Variants in STX6 observed in about 807,000 individuals in gnomAD.
STX6 encodes syntaxin 6, also known as syntaxin-6.
A neutral mutation model predicts 38.0 loss-of-function variants in STX6; 23 were observed. The observed-to-expected ratio is 0.60, with a 90% CI of 0.43 to 0.86. The LOEUF (loss-of-function observed/expected upper bound fraction) is 0.86, where lower values mean the gene tolerates loss of function less well. Among genes scored for constraint, STX6 ranks in the 40% least tolerant of loss-of-function variants. The pLI is 0.00. For synonymous variants in STX6, 123 were observed against 107.5 expected (o/e 1.14, Z -0.89); for missense variants, 274 against 312.9 (o/e 0.88, Z 0.94).
Position 181,004,966 on chromosome 1 carries a change from G to GT in STX6, c.205+327dup, listed in dbSNP as rs1344719680. Among the ~76,000 whole-genome samples, 1,335 of 142,706 alleles carry GT rather than the reference G, an allele frequency of 9.4e-3. 13 individuals carry two copies. Among genetic ancestry groups the GT allele is most frequent in the African/African-American group, 0.027 (1,068 of 39,144 alleles). The allele number at this position is 142,706 out of a possible 152,430, so 93.6% of individuals were successfully genotyped here. On this transcript the variant is annotated intron_variant, in intron 2 of 7. Transcript: ENST00000258301. The stretch of plus-strand genomic sequence containing the variant: ...GACTTAAAAAAAAAAGAAAAAAAGG[G>GT]TTTTTTTTTTTTCCCTTTACATTGG...
rs1655248819 is a variant in STX6 at position 180,976,381 on chromosome 1, C to G, written c.*189G>C. On this transcript the variant is annotated 3_prime_UTR_variant, in exon 8 of 8. Coordinates refer to ENST00000258301, the MANE Select transcript of STX6 (RefSeq NM_005819.6). ...CCAGGAGTGCAGACATCTATTTCCTCTTCCCACTGGCCCTTCCAGCGCTGG... is the reference window on the plus strand; with the variant it reads ...CCAGGAGTGCAGACATCTATTTCCTGTTCCCACTGGCCCTTCCAGCGCTGG... 1 of 587,768 alleles carries G rather than the reference C, an allele frequency of 1.7e-6. No homozygotes were observed. The highest frequency in any genetic ancestry group is 1.9e-5 in the South Asian group (1 of 52,512). The allele number at this position is 587,768 out of a possible 1,614,324, so 36.4% of individuals were successfully genotyped here.
chr1:180,983,929 T>C (rs1655485103), intron 7 of STX6, among the ~76,000 whole-genome samples: 1 of 151,562 alleles, frequency 6.6e-6, no homozygotes, highest in Admixed American at 6.6e-5. Flanking sequence ...CTGGGCATGG[T>C]GGCGGGCGCC....
At chr1:181,009,013 T>C (rs1021855381) in intron 1 of STX6, among the ~76,000 whole-genome samples, 4 of 152,142 alleles carry the variant, frequency 2.6e-5, no homozygotes, top group Non-Finnish European at 5.9e-5. Flanking sequence ...ACCATTTTAT[T>C]TAACAATACA....
At position 180,984,063 on chromosome 1, in the gene STX6, C is replaced by CAAAAAAA. The variant is rs10625558; in HGVS notation, c.691+607_691+613dup. ...TGGGCAACAGAGTGAGGCTCCATCT[C>CAAAAAAA]AAAAAAAAAAAAAAAAAAAAAAAAA... On this transcript the variant is annotated intron_variant, in intron 7 of 7. Coordinates refer to ENST00000258301, the MANE Select transcript of STX6 (RefSeq NM_005819.6). 9.2e-3 allele frequency among the ~76,000 whole-genome samples: 66 copies of CAAAAAAA among 7,154 alleles called. 10 individuals carry two copies. The highest frequency in any genetic ancestry group is 0.018 in the East Asian group (5 of 280). 4.7% of individuals were successfully genotyped at this position (7,154 alleles called of 152,430 possible).
intron 4 of STX6, 125 bp downstream of exon 4, chr1:180,993,238 C>A: frequency 1.6e-6 from 1 of 643,672 alleles, no homozygotes; most frequent in South Asian, 1.9e-5. Context: ...CATGGTCACA[C>A]CAGGGCCTGC....
chr1:181,021,308 A>G (rs1656718975), intron 1 of STX6, among the ~76,000 whole-genome samples: 1 of 152,202 alleles, frequency 6.6e-6, no homozygotes, highest in African/African-American at 2.4e-5. Flanking sequence ...TCTAATAAAT[A>G]TCACATTTTC....
At chr1:181,022,230 C>A (rs1322469637) in intron 1 of STX6, among the ~76,000 whole-genome samples, 1 of 152,150 alleles carries the variant, frequency 6.6e-6, no homozygotes, top group Non-Finnish European at 1.5e-5. Context: ...CTACAAAGCT[C>A]AGGAGGGCCA....
rs757082402 is a variant in STX6 at position 180,990,049 on chromosome 1, G to A, written c.424C>T (p.Arg142Cys). The change falls in exon 5 of 8, where the codon CGT (arginine) becomes TGT (cysteine). Residue 142 changes from arginine (R) to cysteine (C), a missense_variant. Arg to Cys is a radical substitution (Grantham distance 180, BLOSUM62 -3). Transcript: ENST00000258301. ...GCTCTCTGGAGCTCTCGGTCCAGACGCCCATATTTATCTGTTGTTCCAGTG... is the reference window on the plus strand; with the variant it reads ...GCTCTCTGGAGCTCTCGGTCCAGACACCCATATTTATCTGTTGTTCCAGTG... ...WSTGTTDKYGRLDRELQRANS... is the reference protein window; with the variant it reads ...WSTGTTDKYGCLDRELQRANS... 8 of 1,613,890 alleles carry A rather than the reference G, an allele frequency of 5.0e-6. No homozygotes were observed. The highest frequency in any genetic ancestry group is 3.3e-5 in the Admixed American group (2 of 59,988).
At chr1:180,985,892 G>A (rs1261298650) in intron 6 of STX6, among the ~76,000 whole-genome samples, 1 of 152,220 alleles carries the variant, frequency 6.6e-6, no homozygotes, top group Non-Finnish European at 1.5e-5. Context: ...TGACAGCCTT[G>A]CAGGATTCAG....
chr1:180,981,235 G>GCC (rs1344637952), intron 7 of STX6, among the ~76,000 whole-genome samples: 1 of 152,118 alleles, frequency 6.6e-6, no homozygotes. Context: ...CCACCGTGAT[G>GCC]CTTGATGTCA....
intron 1 of STX6, among the ~76,000 whole-genome samples, chr1:181,015,520 A>G (rs1656530485): frequency 6.6e-6 from 1 of 152,158 alleles, no homozygotes; most frequent in South Asian, 2.1e-4. Flanking sequence ...CTTTCAAGAT[A>G]ATCTAGTTTG....
chr1:180,977,616 A>C (rs1655294015), intron 7 of STX6, among the ~76,000 whole-genome samples: 1 of 152,228 alleles, frequency 6.6e-6, no homozygotes, highest in African/African-American at 2.4e-5. Flanking sequence ...CCGACTGATA[A>C]CAGAATTCAC....
intron 3 of STX6, among the ~76,000 whole-genome samples, chr1:180,999,221 C>A (rs988223764): frequency 6.6e-6 from 1 of 152,098 alleles, no homozygotes; most frequent in African/African-American, 2.4e-5. Context: ...AAACTGAGAT[C>A]CAGGGAGGTT....
At chr1:181,002,901 G>T (rs1023074210) in intron 2 of STX6, among the ~76,000 whole-genome samples, 2 of 152,206 alleles carry the variant, frequency 1.3e-5, no homozygotes, top group Non-Finnish European at 2.9e-5. Flanking sequence ...AGACAGAGAT[G>T]ATCTGTCTGG....
At chr1:181,013,188 C>T (rs954734102) in intron 1 of STX6, among the ~76,000 whole-genome samples, 3 of 151,834 alleles carry the variant, frequency 2.0e-5, no homozygotes, top group African/African-American at 7.3e-5. Flanking sequence ...AGTTTTCTTA[C>T]TTGCATCTAA....
intron 5 of STX6, chr1:180,988,589 A>G (rs1428930789): frequency 7.5e-6 from 3 of 400,480 alleles, no homozygotes; most frequent in Admixed American, 4.0e-5. Context: ...TGAAACCACC[A>G]AGAGAGATTT....
At chr1:180,988,738 C>T (rs967978193) in intron 5 of STX6, 2 of 166,986 alleles carry the variant, frequency 1.2e-5, no homozygotes, top group African/African-American at 4.8e-5. Context: ...CAGACTGCCA[C>T]AGCTTAAATA....
Position 181,005,376 on chromosome 1 carries a change from T to C in STX6, c.123A>G (p.Glu41=). ...LLQDPSTATR[E]EIDWTTNELR... ...GCTCGTTGGTGGTCCAGTCGATTTC[T>C]TCCCTTGTTGCTGTGGAGGGGTCCT... The change falls in exon 2 of 8, where the codon GAA becomes GAG. Residue 41 remains glutamate, a synonymous_variant. Coordinates refer to ENST00000258301, the MANE Select transcript of STX6 (RefSeq NM_005819.6). 1 of 1,614,126 alleles carries C rather than the reference T, an allele frequency of 6.2e-7. No individual in the cohort carries two copies. The highest frequency in any genetic ancestry group is 8.5e-7 in the Non-Finnish European group (1 of 1,179,978).
chr1:180,993,023 C>G (rs967273819), intron 4 of STX6, among the ~76,000 whole-genome samples: 10 of 152,144 alleles, frequency 6.6e-5, no homozygotes, highest in African/African-American at 2.4e-4. Context: ...AATTATAGCC[C>G]TTCAAAGAGC....
Sources: gnomAD v4.1 joint callset for allele counts (sites outside exome capture counted in the v4.1 genomes callset) on GRCh38, gnomAD v4.1.1 for gene constraint, MANE v1.5 for transcripts, NCBI Gene and HGNC (gene_info 2026-07-23, HGNC 2026-07-21) for gene names.